ESRRB: variants seen among roughly 807,000 people sequenced by gnomAD.
ESRRB encodes steroid hormone receptor ERR2.
Under a neutral mutation model 46.0 loss-of-function variants are expected in ESRRB, and 16 were observed. That is an observed-to-expected ratio of 0.35 (90% confidence interval 0.24 to 0.53). ESRRB has a LOEUF of 0.53. Among genes scored for constraint, ESRRB ranks in the 20% least tolerant of loss-of-function variants. The probability of loss-of-function intolerance (pLI) is 0.93; values close to 1 mark genes in which losing one functional copy is unlikely to be tolerated. For synonymous variants in ESRRB, 246 were observed against 259.6 expected, an observed-to-expected ratio of 0.95 and a Z score of 0.50; for missense variants, 488 against 607.4, an observed-to-expected ratio of 0.80 and a Z score of 2.07.
In ESRRB at chr14:76,317,310, CTGTGTGTGTG is replaced by C. The variant is rs4024313; in HGVS notation, c.2+6432_2+6441del. Among the ~76,000 whole-genome samples, 1,257 of 134,520 alleles carry C rather than the reference CTGTGTGTGTG, an allele frequency of 9.3e-3. 22 individuals are homozygous for C. The highest frequency in any genetic ancestry group is 0.034 in the South Asian group (133 of 3,882). 88.3% of individuals were successfully genotyped at this position (134,520 alleles called of 152,430 possible). On this transcript the variant is annotated intron_variant, in intron 1 of 6. Coordinates refer to the ESRRB transcript ENST00000512784. ...GAGTAAAATTATTGCTGATTAGGCT[CTGTGTGTGTG>C]TGTGTGTGTGTGTGTGTGTGTGTGT...
chr14:76,472,227 TAC>T (rs1024828663), intron 3 of ESRRB, among the ~76,000 whole-genome samples: 2 of 152,178 alleles, frequency 1.3e-5, no homozygotes, highest in African/African-American at 4.8e-5. Context: ...GTGTCAGGCG[TAC>T]AGTTTTGGAG....
At chr14:76,413,585 C>T (rs1886532698) in intron 1 of ESRRB, among the ~76,000 whole-genome samples, 1 of 152,280 alleles carries the variant, frequency 6.6e-6, no homozygotes, top group East Asian at 1.9e-4. Flanking sequence ...ACTCGCAGGT[C>T]CCATGAATGT....
chr14:76,324,963 CT>C (rs34780208), intron 1 of ESRRB, among the ~76,000 whole-genome samples: 35,215 of 100,870 alleles, frequency 0.35, 4,003 homozygotes, highest in Middle Eastern at 0.46. Context: ...TTTTCTTTTT[CT>C]TTTTTTTTTT....
intron 1 of ESRRB, among the ~76,000 whole-genome samples, chr14:76,316,603 C>T (rs935352): frequency 0.093 from 14,096 of 152,148 alleles, 799 homozygotes; most frequent in East Asian, 0.23. Context: ...CTTCTAGTCA[C>T]TTCATCACAG....
intron 1 of ESRRB, among the ~76,000 whole-genome samples, chr14:76,317,213 A>T (rs543751702): frequency 1.6e-4 from 24 of 152,134 alleles, no homozygotes; most frequent in Non-Finnish European, 2.8e-4. Flanking sequence ...AAGTCTAGGC[A>T]TCTCTTGGGG....
intron 2 of ESRRB, among the ~76,000 whole-genome samples, chr14:76,455,216 CAA>C (rs1167541418): frequency 6.6e-6 from 1 of 151,554 alleles, no homozygotes; most frequent in Non-Finnish European, 1.5e-5. Flanking sequence ...GACTTTGTCT[CAA>C]AAAAAATATA....
At chr14:76,437,417 G>T (rs576642081) in intron 1 of ESRRB, among the ~76,000 whole-genome samples, 1 of 152,312 alleles carries the variant, frequency 6.6e-6, no homozygotes, top group South Asian at 2.1e-4. Flanking sequence ...GACACATTTT[G>T]TGGCATTGCT....
At chr14:76,325,406 T>G (rs1883918490) in intron 1 of ESRRB, among the ~76,000 whole-genome samples, 1 of 152,072 alleles carries the variant, frequency 6.6e-6, no homozygotes, top group Admixed American at 6.5e-5. Context: ...TGGCTTTAAT[T>G]GGTTGTCGTC....
chr14:76,492,015 G>A (rs550269044), intron 6 of ESRRB, among the ~76,000 whole-genome samples: 3 of 152,336 alleles, frequency 2.0e-5, no homozygotes, highest in South Asian at 2.1e-4. Flanking sequence ...TACCAACTGG[G>A]CAAGTTGCTT....
intron 1 of ESRRB, among the ~76,000 whole-genome samples, chr14:76,358,790 A>C (rs1300273297): frequency 6.6e-6 from 1 of 152,238 alleles, no homozygotes; most frequent in Non-Finnish European, 1.5e-5. Context: ...GATTGTTTGA[A>C]GCTGAAGATA....
intron 1 of ESRRB, among the ~76,000 whole-genome samples, chr14:76,365,745 G>A (rs185226466): frequency 3.3e-5 from 5 of 152,282 alleles, no homozygotes; most frequent in African/African-American, 1.2e-4. Context: ...AGACTCAACA[G>A]CAACTGCAAA....
In ESRRB at chr14:76,439,399, A is replaced by T. The variant is rs766999412; in HGVS notation, c.109A>T (p.Ile37Phe). 3.7e-6 allele frequency: 6 copies of T among 1,613,480 alleles called. No individual in the cohort carries two copies. The highest frequency in any genetic ancestry group is 3.3e-5 in the South Asian group (3 of 91,076). The change falls in exon 2 of 7, where the codon ATC becomes TTC. Residue 37 changes from isoleucine (I) to phenylalanine (F), a missense_variant. Coordinates refer to ENST00000644823, the MANE Select transcript of ESRRB (RefSeq NM_001379180.1). Reference sequence around the variant, plus strand: ...CCTGGGCTCCAGCTGCGGCTCCTTCATCAAGACTGAGCCGTCCAGCCCGTC... The same window carrying T: ...CCTGGGCTCCAGCTGCGGCTCCTTCTTCAAGACTGAGCCGTCCAGCCCGTC... ...RHLGSSCGSF[I>F]KTEPSSPSSG...
intron 1 of ESRRB, among the ~76,000 whole-genome samples, chr14:76,381,852 G>A (rs1885026866): frequency 6.6e-6 from 1 of 152,286 alleles, no homozygotes; most frequent in East Asian, 1.9e-4. Flanking sequence ...GACCTCACCA[G>A]TTAACCATCC....
intron 2 of ESRRB, among the ~76,000 whole-genome samples, chr14:76,450,486 G>C (rs562399980): frequency 2.0e-5 from 3 of 152,106 alleles, no homozygotes; most frequent in Non-Finnish European, 2.9e-5. Flanking sequence ...GAGTTCCCAG[G>C]GTAGATGGCC....
intron 1 of ESRRB, among the ~76,000 whole-genome samples, chr14:76,333,358 T>G (rs1336863326): frequency 1.8e-5 from 1 of 54,856 alleles, no homozygotes; most frequent in Non-Finnish European, 3.0e-5. Context: ...ATTTATATAT[T>G]ATATATTTTA....
intron 1 of ESRRB, among the ~76,000 whole-genome samples, chr14:76,320,825 C>T (rs1446342678): frequency 6.6e-6 from 1 of 152,162 alleles, no homozygotes; most frequent in East Asian, 1.9e-4. Context: ...AAACAAAGCC[C>T]TGAAAACACC....
chr14:76,371,469 A>C (rs759637702), upstream of ESRRB: 1 of 152,348 alleles, frequency 6.6e-6, no homozygotes, highest in Non-Finnish European at 1.5e-5. Context: ...GTGGACTGGC[A>C]ATGGAAGCTC....
upstream of ESRRB, among the ~76,000 whole-genome samples, chr14:76,375,177 G>C (rs1029282388): frequency 6.6e-6 from 1 of 150,448 alleles, no homozygotes; most frequent in African/African-American, 2.5e-5. Flanking sequence ...ACACTCATTT[G>C]AATCATCAAA....
intron 1 of ESRRB, among the ~76,000 whole-genome samples, chr14:76,416,785 TC>T (rs1886724392): frequency 6.6e-6 from 1 of 152,162 alleles, no homozygotes; most frequent in African/African-American, 2.4e-5. Flanking sequence ...TGGGTTTTGT[TC>T]ATTGACTCAT....
Sources: allele counts gnomAD v4.1 joint callset (sites outside exome capture counted in the v4.1 genomes callset), GRCh38; gene constraint gnomAD v4.1.1; transcripts MANE v1.5; gene names NCBI Gene and HGNC (gene_info 2026-07-23, HGNC 2026-07-21).